VWA8: variants seen among roughly 807,000 people sequenced by gnomAD.
VWA8 encodes the protein von Willebrand factor A domain-containing protein 8.
A neutral mutation model predicts 241.5 loss-of-function variants in VWA8; 221 were observed. The ratio of observed to expected loss-of-function variants is 0.91; its 90% CI spans 0.82 to 1.02. VWA8 has a LOEUF of 1.02. Among genes scored for constraint, VWA8 ranks in the 50% least tolerant of loss-of-function variants. The pLI is 0.00. For synonymous variants in VWA8, 852 were observed against 827.1 expected (o/e 1.03, Z -0.52); for missense variants, 2,322 against 2,328.7 (o/e 1.00, Z 0.06).
At chr13:41,639,160 T>TTC (rs2044778744) in intron 37 of VWA8, among the ~76,000 whole-genome samples, 1 of 80,014 alleles carries the variant, frequency 1.2e-5, no homozygotes, top group Non-Finnish European at 2.7e-5. Flanking sequence ...CTTAAAAGAC[T>TTC]TTTTTTTTTT....
chr13:41,723,079 A>G (rs2045405800), intron 24 of VWA8, among the ~76,000 whole-genome samples: 1 of 152,218 alleles, frequency 6.6e-6, no homozygotes, highest in South Asian at 2.1e-4. Flanking sequence ...TTGTGAGCAG[A>G]GGCACTGACC....
At chr13:41,647,680 T>C (rs2044840583) in intron 37 of VWA8, among the ~76,000 whole-genome samples, 1 of 152,084 alleles carries the variant, frequency 6.6e-6, no homozygotes, top group South Asian at 2.1e-4. Context: ...TACTGATAAA[T>C]ATACATCGCT....
chr13:41,770,440 CAAAAA>C (rs35797822), intron 20 of VWA8, among the ~76,000 whole-genome samples: 1 of 102,424 alleles, frequency 9.8e-6, no homozygotes, highest in Admixed American at 9.7e-5. Context: ...GACTCCGTTT[CAAAAA>C]AAAAAAAAAA....
intron 35 of VWA8, among the ~76,000 whole-genome samples, chr13:41,677,774 C>A (rs2045070246): frequency 6.6e-6 from 1 of 150,714 alleles, no homozygotes. Context: ...ATATATTTAT[C>A]TATTCATCCA....
chr13:41,713,832 A>G (rs2045332743), intron 26 of VWA8, among the ~76,000 whole-genome samples: 1 of 152,184 alleles, frequency 6.6e-6, no homozygotes, highest in South Asian at 2.1e-4. Context: ...AAATGGAGAA[A>G]AAGTAGAGAT....
rs1233048128 is a variant in VWA8 at position 41,740,193 on chromosome 13, AC to A, written c.2427-8039del. Among the ~76,000 whole-genome samples, 3 of 152,196 alleles carry A rather than the reference AC, an allele frequency of 2.0e-5. No individual in the cohort carries two copies. The East Asian group carries it at 5.8e-4, about 29-fold the overall frequency. ...TAATGGCAGAGGAAAAGGAACAGAT[AC>A]CTCTGAGGAATCAGAGGACAGAAGA... On this transcript the variant is annotated intron_variant, in intron 21 of 44. Coordinates refer to ENST00000379310, the MANE Select transcript of VWA8 (RefSeq NM_015058.2).
intron 2 of VWA8, among the ~76,000 whole-genome samples, chr13:41,923,973 A>AAC (rs1237830493): frequency 2.6e-5 from 4 of 151,852 alleles, no homozygotes; most frequent in Non-Finnish European, 4.4e-5. Flanking sequence ...TCAGAACACA[A>AAC]ACACACACAC....
At chr13:41,741,073 T>C (rs1593735584) in intron 21 of VWA8, among the ~76,000 whole-genome samples, 1 of 152,318 alleles carries the variant, frequency 6.6e-6, no homozygotes, top group East Asian at 1.9e-4. Flanking sequence ...ATAACACTTA[T>C]CACTATTTTA....
chr13:41,804,594 T>C (rs1328397884), intron 17 of VWA8, among the ~76,000 whole-genome samples: 1 of 152,130 alleles, frequency 6.6e-6, no homozygotes, highest in Non-Finnish European at 1.5e-5. Flanking sequence ...TCACTGGTAA[T>C]AGTAAGTATA....
intron 37 of VWA8, among the ~76,000 whole-genome samples, chr13:41,626,754 A>G (rs1411407343): frequency 2.0e-5 from 3 of 152,230 alleles, no homozygotes; most frequent in Non-Finnish European, 1.5e-5. Flanking sequence ...CTTTCACCAC[A>G]TACAAAAATC....
At chr13:41,905,314 A>T (rs537844865) in intron 4 of VWA8, 10 of 152,114 alleles carry the variant, frequency 6.6e-5, no homozygotes, top group African/African-American at 2.4e-4. Context: ...ACAAGAGAGA[A>T]TTTTTCATTA....
chr13:41,842,189 T>C (rs1449879310), intron 12 of VWA8, among the ~76,000 whole-genome samples: 1 of 152,162 alleles, frequency 6.6e-6, no homozygotes, highest in Non-Finnish European at 1.5e-5. Context: ...TTTTAGGTCC[T>C]GAAATAGAAA....
At chr13:41,843,324 G>A (rs1432711978) in intron 12 of VWA8, among the ~76,000 whole-genome samples, 1 of 152,142 alleles carries the variant, frequency 6.6e-6, no homozygotes, top group Non-Finnish European at 1.5e-5. Context: ...AAAAACAGGT[G>A]TGAAAGTAGC....
intron 17 of VWA8, 44 bp downstream of exon 17, chr13:41,811,181 T>C (rs751057776): frequency 3.3e-6 from 5 of 1,496,044 alleles, no homozygotes; most frequent in Admixed American, 1.7e-5. Context: ...ATAGTTTTAG[T>C]GAAGATCCAG....
intron 14 of VWA8, among the ~76,000 whole-genome samples, chr13:41,829,292 G>A (rs1292301150): frequency 6.6e-6 from 1 of 152,100 alleles, no homozygotes; most frequent in African/African-American, 2.4e-5. Flanking sequence ...CACTGCTGGT[G>A]GCAATGTAAA....
intron 4 of VWA8, among the ~76,000 whole-genome samples, chr13:41,902,317 AT>A (rs949907600): frequency 1.3e-5 from 2 of 152,214 alleles, no homozygotes; most frequent in African/African-American, 4.8e-5. Context: ...ATGGCATACC[AT>A]TTTTGTAAAA....
intron 26 of VWA8, 77 bp downstream of exon 26, chr13:41,719,514 C>T: frequency 7.5e-6 from 12 of 1,597,624 alleles, no homozygotes; most frequent in Non-Finnish European, 1.0e-5. Flanking sequence ...TCCATAGCAA[C>T]TCAGTTTTGT....
chr13:41,608,480 T>C (rs944558783), intron 39 of VWA8, among the ~76,000 whole-genome samples: 2 of 152,216 alleles, frequency 1.3e-5, no homozygotes, highest in African/African-American at 2.4e-5. Flanking sequence ...GTAATCTTTG[T>C]GGACTAACTG....
intron 37 of VWA8, among the ~76,000 whole-genome samples, chr13:41,628,196 A>G (rs532653772): frequency 6.6e-6 from 1 of 152,296 alleles, no homozygotes; most frequent in East Asian, 1.9e-4. Context: ...ACAAAACAAA[A>G]AAAGTAAAAA....
Sources: allele counts gnomAD v4.1 joint callset (sites outside exome capture counted in the v4.1 genomes callset), GRCh38; gene constraint gnomAD v4.1.1; transcripts MANE v1.5; gene names NCBI Gene and HGNC (gene_info 2026-07-23, HGNC 2026-07-21).